The following PTPRD variants were observed in gnomAD, a reference collection of about 807,000 sequenced individuals.
The protein encoded by PTPRD is protein tyrosine phosphatase receptor type D.
PTPRD carries 34 observed loss-of-function variants against 214.5 expected under a neutral mutation model. That is an observed-to-expected ratio of 0.16 (90% CI 0.12 to 0.21). The LOEUF is 0.21. Ranked by LOEUF, PTPRD falls within the 10% of genes least tolerant of loss-of-function variation. PTPRD has a pLI of 1.00. For synonymous variants in PTPRD, 1,128 were observed against 845.7 expected (o/e 1.33, Z -5.79); for missense variants, 2,545 against 2,398.7 (o/e 1.06, Z -1.27).
intron 3 of PTPRD, among the ~76,000 whole-genome samples, chr9:10,085,814 C>T (rs113635074): frequency 2.0e-5 from 3 of 151,838 alleles, no homozygotes; most frequent in African/African-American, 4.8e-5. Context: ...AACATTCTGC[C>T]TCATCAGTTT....
rs146213561 is a variant in PTPRD, at chr9:8,789,281, A to G, written c.-103-55335T>C. On this transcript the variant is annotated intron_variant, in intron 11 of 45. Transcript: ENST00000381196. Reference sequence around the variant, plus strand: ...GCCACATTTTGCAGCAGAAGCCACCATAGCTGATTGGCACAGAGGTGGTTG... The same window carrying G: ...GCCACATTTTGCAGCAGAAGCCACCGTAGCTGATTGGCACAGAGGTGGTTG... Among the ~76,000 whole-genome samples the G allele has an allele frequency of 7.0e-3, 1,062 of 152,306 alleles. 8 individuals carry two copies. The highest frequency in any genetic ancestry group is 0.023 in the African/African-American group (971 of 41,556).
intron 11 of PTPRD, among the ~76,000 whole-genome samples, chr9:8,955,875 A>T (rs2099128939): frequency 6.6e-6 from 1 of 151,952 alleles, no homozygotes; most frequent in African/African-American, 2.4e-5. Flanking sequence ...CGACCTACAT[A>T]TAGCATTCAT....
intron 9 of PTPRD, among the ~76,000 whole-genome samples, chr9:9,347,347 T>C (rs941558422): frequency 1.3e-5 from 2 of 150,546 alleles, no homozygotes; most frequent in African/African-American, 2.4e-5. Context: ...TATATATCTA[T>C]ATGCATGCAT....
At chr9:10,116,731 G>C (rs1232474575) in intron 3 of PTPRD, among the ~76,000 whole-genome samples, 1 of 152,042 alleles carries the variant, frequency 6.6e-6, no homozygotes, top group Non-Finnish European at 1.5e-5. Flanking sequence ...ACCCTCCAAA[G>C]GCTCCCCATT....
At chr9:9,285,383 A>C (rs1347164181) in intron 9 of PTPRD, among the ~76,000 whole-genome samples, 1 of 151,818 alleles carries the variant, frequency 6.6e-6, no homozygotes, top group Non-Finnish European at 1.5e-5. Flanking sequence ...ATAAAGAATG[A>C]TAAAGACTCA....
chr9:8,747,544 C>T (rs1055860578), intron 11 of PTPRD, among the ~76,000 whole-genome samples: 2 of 152,070 alleles, frequency 1.3e-5, no homozygotes, highest in African/African-American at 4.8e-5. Flanking sequence ...AAAAGAGCCA[C>T]AAGGCAGGAC....
intron 3 of PTPRD, among the ~76,000 whole-genome samples, chr9:10,252,908 C>T (rs763060882): frequency 1.5e-4 from 23 of 151,946 alleles, no homozygotes; most frequent in Non-Finnish European, 2.6e-4. Context: ...CTCAGCCTCC[C>T]GAGTAGCTGG....
In PTPRD at chr9:8,922,923, T is replaced by G. The variant is rs200874555; in HGVS notation, c.-104+95774A>C. Among the ~76,000 whole-genome samples, 18 of 151,796 alleles carry G rather than the reference T, an allele frequency of 1.2e-4. No homozygotes were observed. The East Asian group carries it at 3.5e-3, about 30-fold the overall frequency. On this transcript the variant is annotated intron_variant, in intron 11 of 45. Coordinates refer to ENST00000381196, the MANE Select transcript of PTPRD (RefSeq NM_002839.4). ...TGTGATCCACCCACCTCAGCCTCCC[T>G]AAGTGTTGGGATTACAGTCATGAGC...
At chr9:10,312,855 T>C (rs1217910011) in intron 3 of PTPRD, among the ~76,000 whole-genome samples, 1 of 151,980 alleles carries the variant, frequency 6.6e-6, no homozygotes, top group Admixed American at 6.6e-5. Context: ...GTTTGAAATG[T>C]AATTTTATGA....
chr9:8,764,296 G>A (rs991777467), intron 11 of PTPRD, among the ~76,000 whole-genome samples: 2 of 152,132 alleles, frequency 1.3e-5, no homozygotes. Context: ...TATTGCAAGA[G>A]AGGAAAACTC....
At chr9:8,825,512 T>C (rs1385961187) in intron 11 of PTPRD, among the ~76,000 whole-genome samples, 1 of 152,172 alleles carries the variant, frequency 6.6e-6, no homozygotes, top group African/African-American at 2.4e-5. Context: ...TGTTAAAAGC[T>C]GTAATAGCTT....
At chr9:8,386,325 T>C (rs890948594) in intron 37 of PTPRD, among the ~76,000 whole-genome samples, 9 of 152,178 alleles carry the variant, frequency 5.9e-5, no homozygotes, top group African/African-American at 2.2e-4. Flanking sequence ...TCAAGCTATC[T>C]TCTCTTCTCT....
At chr9:8,892,320 C>T (rs1566863526) in intron 11 of PTPRD, among the ~76,000 whole-genome samples, 1 of 152,022 alleles carries the variant, frequency 6.6e-6, no homozygotes, top group Non-Finnish European at 1.5e-5. Context: ...GGAAAGAGGA[C>T]CTTTCTTCAT....
At chr9:9,600,979 C>T (rs1394455629) in intron 7 of PTPRD, among the ~76,000 whole-genome samples, 1 of 151,726 alleles carries the variant, frequency 6.6e-6, no homozygotes, top group African/African-American at 2.4e-5. Flanking sequence ...GGTAATGAGA[C>T]CTGGATATTT....
At chr9:9,437,633 T>C (rs2144019152) in intron 8 of PTPRD, among the ~76,000 whole-genome samples, 1 of 152,320 alleles carries the variant, frequency 6.6e-6, no homozygotes, top group Non-Finnish European at 1.5e-5. Flanking sequence ...TCTTTTAAGA[T>C]GTAAATTATT....
chr9:8,411,001 GA>G (rs142735655), intron 35 of PTPRD, among the ~76,000 whole-genome samples: 22,165 of 151,900 alleles, frequency 0.15, 1,849 homozygotes, highest in Non-Finnish European at 0.19. Flanking sequence ...TTTCACTGAG[GA>G]AACCATTGAT....
chr9:9,852,160 T>C (rs562690879), intron 5 of PTPRD, among the ~76,000 whole-genome samples: 142 of 150,446 alleles, frequency 9.4e-4, no homozygotes, highest in Non-Finnish European at 1.8e-3. Flanking sequence ...TGAATCTAAT[T>C]AAAAAAAAAA....
At chr9:10,141,415 A>G (rs528674766) in intron 3 of PTPRD, among the ~76,000 whole-genome samples, 2 of 152,272 alleles carry the variant, frequency 1.3e-5, no homozygotes, top group Admixed American at 6.5e-5. Context: ...TCAGGATACA[A>G]AATCAATGTA....
intron 3 of PTPRD, among the ~76,000 whole-genome samples, chr9:10,196,267 T>C (rs950856298): frequency 8.5e-5 from 13 of 152,156 alleles, no homozygotes; most frequent in African/African-American, 3.1e-4. Flanking sequence ...AGTGTAAAGA[T>C]TGACATACAA....
Sources: gnomAD v4.1 joint callset for allele counts (sites outside exome capture counted in the v4.1 genomes callset) on GRCh38, gnomAD v4.1.1 for gene constraint, MANE v1.5 for transcripts, NCBI Gene and HGNC (gene_info 2026-07-23, HGNC 2026-07-21) for gene names.